The following CRADD variants were observed in gnomAD, a reference collection of about 807,000 sequenced individuals.
The protein encoded by CRADD is death domain-containing protein CRADD.
In CRADD, 9 loss-of-function variants were observed where a neutral mutation model predicts 15.5. The ratio of observed to expected loss-of-function variants is 0.58; its 90% CI spans 0.35 to 1.01. The LOEUF (loss-of-function observed/expected upper bound fraction) is 1.01. Ranked by LOEUF, CRADD falls within the 50% of genes least tolerant of loss-of-function variation. The pLI, the probability that CRADD is intolerant of heterozygous loss-of-function variation, is 0.02. For synonymous variants in CRADD, 118 were observed against 107.6 expected (o/e 1.10, Z -0.60); for missense variants, 227 against 250.3 (o/e 0.91, Z 0.63).
At position 93,775,994 on chromosome 12, in the gene CRADD, T is replaced by C. The variant is rs139789601; in HGVS notation, c.299-73976T>C. On this transcript the variant is annotated intron_variant, in intron 2 of 2. Transcript: ENST00000332896. ...AATGCAAAGTGATTTTCTCTTTCTCTAAAACCTTTAATCCTCATCTTTAAA... is the reference window on the plus strand; with the variant it reads ...AATGCAAAGTGATTTTCTCTTTCTCCAAAACCTTTAATCCTCATCTTTAAA... Among the ~76,000 whole-genome samples, 326 of 152,354 alleles carry C rather than the reference T, an allele frequency of 2.1e-3. 2 individuals are homozygous for C. Among genetic ancestry groups the C allele is most frequent in the African/African-American group, 7.5e-3 (313 of 41,580 alleles).
intron 2 of CRADD, among the ~76,000 whole-genome samples, chr12:93,810,038 C>G (rs528927545): frequency 6.6e-6 from 1 of 152,230 alleles, no homozygotes; most frequent in South Asian, 2.1e-4. Flanking sequence ...CTAGGCTTGT[C>G]CAAATTGCGT....
At chr12:93,821,740 A>G (rs1957771503) in intron 2 of CRADD, among the ~76,000 whole-genome samples, 1 of 152,164 alleles carries the variant, frequency 6.6e-6, no homozygotes, top group South Asian at 2.1e-4. Flanking sequence ...AGCTTTTGAG[A>G]GGGGCACAGC....
chr12:93,837,933 C>T (rs1413220085), intron 2 of CRADD: 1 of 152,188 alleles, frequency 6.6e-6, no homozygotes. Context: ...CTACCACCCA[C>T]CTTTTAATTC....
intron 2 of CRADD, among the ~76,000 whole-genome samples, chr12:93,796,153 T>C (rs1365543055): frequency 6.6e-6 from 1 of 152,236 alleles, no homozygotes; most frequent in African/African-American, 2.4e-5. Context: ...TTGAGCTTTT[T>C]CTTCAGGTAA....
At chr12:93,817,070 T>TC (rs1276305322) in intron 2 of CRADD, among the ~76,000 whole-genome samples, 3 of 152,198 alleles carry the variant, frequency 2.0e-5, no homozygotes, top group African/African-American at 7.2e-5. Context: ...CCTTTTTTTT[T>TC]CTCATTGTAT....
chr12:93,842,015 T>TA (rs1045267690), intron 2 of CRADD, among the ~76,000 whole-genome samples: 36 of 152,192 alleles, frequency 2.4e-4, no homozygotes, highest in African/African-American at 8.4e-4. Flanking sequence ...AATACCTGCT[T>TA]ACAACATCTC....
rs191855247 is a variant in CRADD, at chr12:93,875,757, G to T, written c.299-18293G>T. The stretch of plus-strand genomic sequence containing the variant: ...TTTGTTGTTCTATTTATATCTTATT[G>T]TACTGATGATGTCTTGAAATGCTGT... On this transcript the variant is annotated intron_variant, in intron 2 of 2. Coordinates refer to the CRADD transcript ENST00000548483. Among the ~76,000 whole-genome samples the T allele has an allele frequency of 6.4e-4, 97 of 152,010 alleles. No homozygotes were observed. The East Asian group carries it at 0.017, about 26-fold the overall frequency.
intron 2 of CRADD, among the ~76,000 whole-genome samples, chr12:93,752,924 A>G (rs1956844008): frequency 6.6e-6 from 1 of 152,220 alleles, no homozygotes; most frequent in Admixed American, 6.5e-5. Context: ...GGCAGACAAG[A>G]GAAGAGAGCT....
At chr12:93,742,705 G>A (rs1329228557) in intron 2 of CRADD, among the ~76,000 whole-genome samples, 1 of 152,154 alleles carries the variant, frequency 6.6e-6, no homozygotes, top group Non-Finnish European at 1.5e-5. Flanking sequence ...AAGGAACACC[G>A]GAGAAATGGG....
At chr12:93,797,049 A>G (rs958086490) in intron 2 of CRADD, among the ~76,000 whole-genome samples, 40 of 152,178 alleles carry the variant, frequency 2.6e-4, no homozygotes, top group African/African-American at 8.9e-4. Context: ...TGGAAATGCT[A>G]TCATTAGAAC....
chr12:93,873,229 A>G (rs1958435080), intron 2 of CRADD, among the ~76,000 whole-genome samples: 1 of 128,586 alleles, frequency 7.8e-6, no homozygotes, highest in South Asian at 2.4e-4. Flanking sequence ...TGGCATATAG[A>G]AACACTACTG....
chr12:93,704,909 T>A (rs955299360), intron 2 of CRADD, among the ~76,000 whole-genome samples: 9 of 152,134 alleles, frequency 5.9e-5, no homozygotes, highest in African/African-American at 2.2e-4. Flanking sequence ...TGCTCCCAGT[T>A]TTGCTCTAAT....
chr12:93,782,545 G>A (rs1220036761), intron 2 of CRADD, among the ~76,000 whole-genome samples: 1 of 149,556 alleles, frequency 6.7e-6, no homozygotes, highest in South Asian at 2.1e-4. Flanking sequence ...AGTGAGCTGA[G>A]ATCACGCCAC....
chr12:93,745,425 A>G (rs933559517), intron 2 of CRADD, among the ~76,000 whole-genome samples: 19 of 152,192 alleles, frequency 1.2e-4, no homozygotes, highest in Admixed American at 3.9e-4. Context: ...ACTTCCTTTT[A>G]GTAACTCCAA....
chr12:93,882,998 C>T (rs1429121996), intron 2 of CRADD, among the ~76,000 whole-genome samples: 5 of 152,164 alleles, frequency 3.3e-5, no homozygotes, highest in African/African-American at 9.7e-5. Context: ...TAAAAACAGA[C>T]CCAAAGTGGC....
At chr12:93,736,099 C>A (rs1274390905) in intron 2 of CRADD, among the ~76,000 whole-genome samples, 21 of 152,104 alleles carry the variant, frequency 1.4e-4, no homozygotes, top group African/African-American at 4.8e-4. Context: ...CTAACAGCTC[C>A]TCAGAACATT....
chr12:93,773,143 T>C (rs1283451390), intron 2 of CRADD, among the ~76,000 whole-genome samples: 1 of 152,200 alleles, frequency 6.6e-6, no homozygotes, highest in East Asian at 1.9e-4. Flanking sequence ...AACATGACAG[T>C]ATATATGCAA....
At chr12:93,811,080 T>TG (rs1461097954) in intron 2 of CRADD, among the ~76,000 whole-genome samples, 5 of 152,138 alleles carry the variant, frequency 3.3e-5, no homozygotes, top group Non-Finnish European at 5.9e-5. Context: ...CGGCTGCTGG[T>TG]GGTCTAGTTT....
chr12:93,702,718 C>T (rs1024816196), intron 2 of CRADD, among the ~76,000 whole-genome samples: 1 of 151,978 alleles, frequency 6.6e-6, no homozygotes, highest in East Asian at 1.9e-4. Context: ...TTCCACCACC[C>T]CCAATCTTTA....
Sources: gnomAD v4.1 joint callset for allele counts (sites outside exome capture counted in the v4.1 genomes callset) on GRCh38, gnomAD v4.1.1 for gene constraint, MANE v1.5 for transcripts, NCBI Gene and HGNC (gene_info 2026-07-23, HGNC 2026-07-21) for gene names.